DCC: variants seen among roughly 807,000 people sequenced by gnomAD.
DCC encodes netrin receptor DCC.
DCC carries 58 observed loss-of-function variants against 172.5 expected under a neutral mutation model. That is an observed-to-expected ratio of 0.34 (90% confidence interval 0.27 to 0.42). The LOEUF is 0.42. Among genes scored for constraint, DCC ranks in the 10% least tolerant of loss-of-function variants. The pLI, the probability that DCC is intolerant of heterozygous loss-of-function variation, is 1.00. For synonymous variants in DCC, 709 were observed against 644.5 expected (o/e 1.10, Z -1.52); for missense variants, 1,740 against 1,791.0 (o/e 0.97, Z 0.51).
At chr18:52,928,690 C>T (rs770833412) in intron 5 of DCC, among the ~76,000 whole-genome samples, 11 of 152,096 alleles carry the variant, frequency 7.2e-5, no homozygotes, top group Non-Finnish European at 1.0e-4. Flanking sequence ...GTACGTAGGT[C>T]GAGCCCATTA....
intron 15 of DCC, among the ~76,000 whole-genome samples, chr18:53,373,088 A>G (rs768808490): frequency 3.3e-5 from 5 of 152,152 alleles, no homozygotes; most frequent in Non-Finnish European, 7.4e-5. Context: ...CTTTATCAGA[A>G]TTTTCCAAAC....
intron 11 of DCC, among the ~76,000 whole-genome samples, chr18:53,213,938 G>A (rs2055803036): frequency 6.6e-6 from 1 of 151,216 alleles, no homozygotes; most frequent in Non-Finnish European, 1.5e-5. Flanking sequence ...CCTGAATATG[G>A]AACCATTTTT....
chr18:52,658,870 T>C (rs111798123), intron 1 of DCC, among the ~76,000 whole-genome samples: 14 of 151,338 alleles, frequency 9.3e-5, no homozygotes, highest in African/African-American at 3.4e-4. Context: ...GTCTTGGAAA[T>C]GACTTTCCTA....
chr18:52,569,072 C>T (rs1598920169), intron 1 of DCC, among the ~76,000 whole-genome samples: 1 of 152,150 alleles, frequency 6.6e-6, no homozygotes, highest in Non-Finnish European at 1.5e-5. Flanking sequence ...TGCTTTGAAT[C>T]ATTGATAAGT....
chr18:53,329,705 G>T (rs939937677), intron 14 of DCC, among the ~76,000 whole-genome samples: 4 of 152,070 alleles, frequency 2.6e-5, no homozygotes, highest in African/African-American at 4.8e-5. Context: ...ATTCTAATCA[G>T]AGTAAATTTT....
chr18:53,525,238 C>A (rs1056498934), intron 27 of DCC, among the ~76,000 whole-genome samples: 1 of 152,016 alleles, frequency 6.6e-6, no homozygotes, highest in East Asian at 1.9e-4. Context: ...CCCAAATTTT[C>A]CCTCACCATG....
intron 1 of DCC, among the ~76,000 whole-genome samples, chr18:52,543,091 A>T (rs2032506265): frequency 6.6e-6 from 1 of 152,158 alleles, no homozygotes; most frequent in African/African-American, 2.4e-5. Flanking sequence ...CTCCCTGGGG[A>T]GGCTGAGTTC....
At chr18:52,348,008 A>G (rs1030091182) in intron 1 of DCC, among the ~76,000 whole-genome samples, 2 of 152,168 alleles carry the variant, frequency 1.3e-5, no homozygotes, top group African/African-American at 4.8e-5. Context: ...CCTTTTGTAC[A>G]GTTTTTCCAC....
chr18:52,657,188 T>C (rs2035271879), intron 1 of DCC, among the ~76,000 whole-genome samples: 1 of 152,224 alleles, frequency 6.6e-6, no homozygotes, highest in Non-Finnish European at 1.5e-5. Flanking sequence ...TGAGCCACAC[T>C]ATCTCTGTGA....
intron 2 of DCC, among the ~76,000 whole-genome samples, chr18:52,808,383 T>C (rs1038545610): frequency 6.9e-6 from 1 of 145,756 alleles, no homozygotes; most frequent in Non-Finnish European, 1.5e-5. Context: ...TCTGACTAAG[T>C]GACTCAATCA....
intron 1 of DCC, among the ~76,000 whole-genome samples, chr18:52,404,908 C>T (rs999154120): frequency 1.1e-4 from 16 of 149,280 alleles, no homozygotes; most frequent in East Asian, 2.0e-4. Context: ...TGAGAATATG[C>T]GGTGTTTGGT....
chr18:52,908,669 G>T (rs1167605754), intron 3 of DCC, among the ~76,000 whole-genome samples: 1 of 152,056 alleles, frequency 6.6e-6, no homozygotes, highest in East Asian at 1.9e-4. Flanking sequence ...TCTTCACCTT[G>T]CAACAGCCAT....
intron 8 of DCC, among the ~76,000 whole-genome samples, chr18:53,176,800 A>G (rs2055102457): frequency 4.0e-5 from 6 of 151,620 alleles, no homozygotes; most frequent in Admixed American, 2.6e-4. Flanking sequence ...AACTGGAAAT[A>G]CCATTTGACC....
At chr18:52,424,878 A>AT (rs145866433) in intron 1 of DCC, among the ~76,000 whole-genome samples, 13 of 151,222 alleles carry the variant, frequency 8.6e-5, no homozygotes, top group African/African-American at 2.4e-4. Flanking sequence ...ATTTCTTTCT[A>AT]TTTTTTTCCA....
At chr18:52,624,828 G>T (rs1457759813) in intron 1 of DCC, among the ~76,000 whole-genome samples, 1 of 152,156 alleles carries the variant, frequency 6.6e-6, no homozygotes, top group East Asian at 1.9e-4. Context: ...GTTTAAAAGC[G>T]CAACTAGGCA....
At chr18:53,187,521 C>T (rs1004182478) in intron 9 of DCC, among the ~76,000 whole-genome samples, 1 of 152,008 alleles carries the variant, frequency 6.6e-6, no homozygotes, top group Non-Finnish European at 1.5e-5. Flanking sequence ...AACCATATTG[C>T]CTTTTAGTAT....
intron 12 of DCC, among the ~76,000 whole-genome samples, chr18:53,247,850 G>A (rs2056383364): frequency 6.6e-6 from 1 of 151,870 alleles, no homozygotes; most frequent in African/African-American, 2.4e-5. Flanking sequence ...ATTTTCAACA[G>A]AGCCACAGAA....
chr18:52,757,338 G>A (rs890383841), intron 2 of DCC: 2 of 152,086 alleles, frequency 1.3e-5, no homozygotes, highest in African/African-American at 4.8e-5. Context: ...GTCTCGACTT[G>A]GAGTTTAACA....
chr18:53,414,569 C>T (rs1020932385), intron 20 of DCC, among the ~76,000 whole-genome samples: 16 of 152,212 alleles, frequency 1.1e-4, no homozygotes, highest in Middle Eastern at 3.4e-3. Flanking sequence ...TAAACATTGG[C>T]CGGGCGTGGT....
Sources: allele counts gnomAD v4.1 joint callset (sites outside exome capture counted in the v4.1 genomes callset), GRCh38; gene constraint gnomAD v4.1.1; transcripts MANE v1.5; gene names NCBI Gene and HGNC (gene_info 2026-07-23, HGNC 2026-07-21).